CSNK2A1: variants seen among roughly 807,000 people sequenced by gnomAD.
The protein encoded by CSNK2A1 is casein kinase II subunit alpha.
Under a neutral mutation model 62.9 loss-of-function variants are expected in CSNK2A1, and 10 were observed. The ratio of observed to expected loss-of-function variants is 0.16; its 90% CI spans 0.10 to 0.27. The LOEUF is 0.27. CSNK2A1 is among the 10% of genes least tolerant of loss of function. The probability of loss-of-function intolerance (pLI) is 1.00; values close to 1 mark genes in which losing one functional copy is unlikely to be tolerated. For missense variants in CSNK2A1, 160 were observed against 492.0 expected, an observed-to-expected ratio of 0.33 and a Z score of 6.38; for synonymous variants, 124 against 167.8, an observed-to-expected ratio of 0.74 and a Z score of 2.02.
intron 1 of CSNK2A1, among the ~76,000 whole-genome samples, chr20:542,833 A>G (rs1236172394): frequency 6.6e-6 from 1 of 152,196 alleles, no homozygotes; most frequent in African/African-American, 2.4e-5. Context: ...CTTCTTTTCA[A>G]AACTCTTTCC....
Position 542,840 on chromosome 20 carries a change from T to TTCC in CSNK2A1, c.-227+829_-227+831dup, listed in dbSNP as rs751947169. ...TTTGCCACCTTCTTTTCAAAACTCT[T>TTCC]TCCTCCACACAAAGCAATAGCCAAG... On this transcript the variant is annotated intron_variant, in intron 1 of 13. Transcript: ENST00000217244. Among the ~76,000 whole-genome samples the TTCC allele has an allele frequency of 1.4e-3, 214 of 152,280 alleles. 1 individual carries two copies. The highest frequency in any genetic ancestry group is 2.3e-3 in the Non-Finnish European group (158 of 68,016).
At chr20:519,097 G>A (rs955855688) in intron 2 of CSNK2A1, among the ~76,000 whole-genome samples, 8 of 151,748 alleles carry the variant, frequency 5.3e-5, no homozygotes, top group South Asian at 2.1e-4. Flanking sequence ...CACCATGCCC[G>A]GCTAATTTTT....
In CSNK2A1 at chr20:480,884, C is replaced by T. The variant is rs2017943892; in HGVS notation, c.*3077G>A. 6.6e-6 allele frequency: 1 copy of T among 152,226 alleles called. No individual in the cohort carries two copies. Among genetic ancestry groups the T allele is most frequent in the African/African-American group, 2.4e-5 (1 of 41,446 alleles). 9.4% of individuals were successfully genotyped at this position (152,226 alleles called of 1,614,324 possible). On this transcript the variant is annotated 3_prime_UTR_variant, in exon 14 of 14. Transcript: ENST00000217244. ...AATTCCCAAATCTGTCAACCAATCT[C>T]TAATTTTCTCTGCTACTTTAGGACT... is the stretch of plus-strand genomic sequence containing the variant.
chr20:537,192 G>A (rs886146921), intron 1 of CSNK2A1, among the ~76,000 whole-genome samples: 1 of 152,104 alleles, frequency 6.6e-6, no homozygotes, highest in Non-Finnish European at 1.5e-5. Context: ...CAATATAAGG[G>A]CATTTAAGAT....
chr20:525,015 G>A (rs1431581727), intron 2 of CSNK2A1, among the ~76,000 whole-genome samples: 1 of 152,050 alleles, frequency 6.6e-6, no homozygotes, highest in Non-Finnish European at 1.5e-5. Context: ...TCAGAAGGCT[G>A]AAGTGATCAT....
intron 1 of CSNK2A1, among the ~76,000 whole-genome samples, chr20:530,030 C>G (rs2019181113): frequency 6.6e-6 from 1 of 152,064 alleles, no homozygotes; most frequent in African/African-American, 2.4e-5. Context: ...TTTTAGGGTA[C>G]AATCAGTACC....
In CSNK2A1 at chr20:472,856, T is replaced by C. The variant is rs1281563214; in HGVS notation, c.*11105A>G. ...AACCTCTCGGCCTTCCAAGAAGGTTTGTGTCTTTCCTATAATTTCTCCCAC... is the reference window on the plus strand; with the variant it reads ...AACCTCTCGGCCTTCCAAGAAGGTTCGTGTCTTTCCTATAATTTCTCCCAC... On this transcript the variant is annotated 3_prime_UTR_variant, in exon 14 of 14. Coordinates refer to ENST00000217244, the MANE Select transcript of CSNK2A1 (RefSeq NM_177559.3). 3 of 152,174 alleles carry C rather than the reference T, an allele frequency of 2.0e-5. No individual in the cohort carries two copies. The highest frequency in any genetic ancestry group is 2.0e-4 in the Admixed American group (3 of 15,274). 9.4% of individuals were successfully genotyped at this position (152,174 alleles called of 1,614,324 possible).
rs1424003958 is a variant in CSNK2A1 at position 473,459 on chromosome 20, C to T, written c.*10502G>A. Reference sequence around the variant, plus strand: ...TTTGTTTTGTTCCTGTTTCATTCCCCCAGATGCAAGGGAGCTTCATCCAAG... The same window carrying T: ...TTTGTTTTGTTCCTGTTTCATTCCCTCAGATGCAAGGGAGCTTCATCCAAG... On this transcript the variant is annotated 3_prime_UTR_variant, in exon 14 of 14. Transcript: ENST00000217244. 6.6e-6 allele frequency: 1 copy of T among 152,306 alleles called. No individual in the cohort carries two copies. The highest frequency in any genetic ancestry group is 1.5e-5 in the Non-Finnish European group (1 of 68,190). 9.4% of individuals were successfully genotyped at this position (152,306 alleles called of 1,614,324 possible).
At position 483,434 on chromosome 20, in the gene CSNK2A1, A is replaced by G. The variant is rs1449612392; in HGVS notation, c.*527T>C. ...ATGGAGTAAAGTGATGTAAGCGACC[A>G]GCAAGCAGTCCACTGCTCCTATAGA... is the stretch of plus-strand genomic sequence containing the variant. On this transcript the variant is annotated 3_prime_UTR_variant, in exon 14 of 14. Coordinates refer to ENST00000217244, the MANE Select transcript of CSNK2A1 (RefSeq NM_177559.3). 1 of 152,540 alleles carries G rather than the reference A, an allele frequency of 6.6e-6. No individual in the cohort carries two copies. Among genetic ancestry groups the G allele is most frequent in the Non-Finnish European group, 1.5e-5 (1 of 68,066 alleles). The allele number at this position is 152,540 out of a possible 1,614,324, so 9.4% of individuals were successfully genotyped here.
chr20:538,960 T>C (rs2019391079), intron 1 of CSNK2A1, among the ~76,000 whole-genome samples: 1 of 152,174 alleles, frequency 6.6e-6, no homozygotes, highest in Non-Finnish European at 1.5e-5. Context: ...CCCTTCAAAC[T>C]GCATCTAAGG....
rs1232832529 is a variant in CSNK2A1 at position 505,244 on chromosome 20, A to C, written c.102-15T>G. On this transcript the variant is annotated splice_polypyrimidine_tract_variant and intron_variant, in intron 3 of 13. Coordinates refer to ENST00000217244, the MANE Select transcript of CSNK2A1 (RefSeq NM_177559.3). ...CATCTTGATTTCTGTGGACACAAAC[A>C]AAATGACTTATAAACGGTCAAATTA... The C allele has an allele frequency of 1.3e-6, 2 of 1,596,956 alleles. No individual in the cohort carries two copies. Among genetic ancestry groups the C allele is most frequent in the Non-Finnish European group, 1.7e-6 (2 of 1,165,438 alleles).
At chr20:495,920 G>A (rs1568513001) in intron 7 of CSNK2A1, 118 bp from the exon 8 acceptor site, 1 of 754,492 alleles carries the variant, frequency 1.3e-6, no homozygotes, top group Non-Finnish European at 2.3e-6. Flanking sequence ...TCAAGCTGAG[G>A]ACACAGTCAC....
intron 2 of CSNK2A1, among the ~76,000 whole-genome samples, chr20:520,061 A>ACTTT (rs2018913006): frequency 6.6e-6 from 1 of 152,200 alleles, no homozygotes; most frequent in Non-Finnish European, 1.5e-5. Flanking sequence ...AACCAGAAAG[A>ACTTT]GGGAAAAGTA....
intron 2 of CSNK2A1, among the ~76,000 whole-genome samples, chr20:527,186 G>A (rs537733422): frequency 3.2e-4 from 48 of 152,138 alleles, no homozygotes; most frequent in African/African-American, 1.1e-3. Context: ...ACAATATCAC[G>A]AACAACTTTG....
At chr20:528,976 C>T (rs80001974) in intron 1 of CSNK2A1, among the ~76,000 whole-genome samples, 3,015 of 152,308 alleles carry the variant, frequency 0.02, 35 homozygotes, top group Non-Finnish European at 0.032. Flanking sequence ...CAGTTACCCG[C>T]AGTCAACTGC....
At position 482,581 on chromosome 20, in the gene CSNK2A1, G is replaced by C. The variant is rs957060479; in HGVS notation, c.*1380C>G. 6.6e-6 allele frequency: 1 copy of C among 152,396 alleles called. No homozygotes were observed. Among genetic ancestry groups the C allele is most frequent in the Non-Finnish European group, 1.5e-5 (1 of 68,094 alleles). The allele number at this position is 152,396 out of a possible 1,614,324, so 9.4% of individuals were successfully genotyped here. On this transcript the variant is annotated 3_prime_UTR_variant, in exon 14 of 14. Coordinates refer to ENST00000217244, the MANE Select transcript of CSNK2A1 (RefSeq NM_177559.3). ...CGGTACCATGGGTCGAACGAGGGGT[G>C]TATAAAATGGGGGCCTTGGGAAGCC... is the stretch of plus-strand genomic sequence containing the variant.
Position 490,893 on chromosome 20 carries a change from GAA to G in CSNK2A1, c.622-1014_622-1013del, listed in dbSNP as rs36034582. On this transcript the variant is annotated intron_variant, in intron 9 of 13. Coordinates refer to ENST00000217244, the MANE Select transcript of CSNK2A1 (RefSeq NM_177559.3). ...TTTGAATTGTTTTCTTCACTTACAT[GAA>G]AAAAAAAAAAAAAAAACCTCCAAAT... 5.3e-3 allele frequency among the ~76,000 whole-genome samples: 539 copies of G among 102,138 alleles called. 4 individuals carry two copies. The highest frequency in any genetic ancestry group is 0.015 in the African/African-American group (427 of 28,870). The allele number at this position is 102,138 out of a possible 152,430, so 67.0% of individuals were successfully genotyped here. A position where few individuals can be genotyped will look rare whatever the true frequency, so the allele number is the denominator to read the frequency against.
chr20:503,447 T>C (rs572765287), intron 4 of CSNK2A1: 1 of 398,634 alleles, frequency 2.5e-6, no homozygotes, highest in South Asian at 1.3e-4. Context: ...AACTCTCTGG[T>C]TCTCAAAGGG....
chr20:496,190 AAG>A (rs2050208749), intron 7 of CSNK2A1: 1 of 183,936 alleles, frequency 5.4e-6, no homozygotes, highest in African/African-American at 2.4e-5. Context: ...TTTAGCCATT[AAG>A]AGTCTGTAAC....
Sources: gnomAD v4.1 joint callset for allele counts (sites outside exome capture counted in the v4.1 genomes callset) on GRCh38, gnomAD v4.1.1 for gene constraint, MANE v1.5 for transcripts, NCBI Gene and HGNC (gene_info 2026-07-23, HGNC 2026-07-21) for gene names.